USP34: variants seen among roughly 807,000 people sequenced by gnomAD.
USP34 encodes the protein ubiquitin specific peptidase 34, also known as ubiquitin carboxyl-terminal hydrolase 34.
USP34 carries 70 observed loss-of-function variants against 460.3 expected under a neutral mutation model. The observed-to-expected ratio is 0.15, with a 90% CI of 0.13 to 0.19. The LOEUF is 0.19. Ranked by LOEUF, USP34 falls within the 10% of genes least tolerant of loss-of-function variation. USP34 has a pLI of 1.00. For missense variants in USP34, 3,985 were observed against 4,236.2 expected, an observed-to-expected ratio of 0.94 and a Z score of 1.65; for synonymous variants, 1,647 against 1,405.3, an observed-to-expected ratio of 1.17 and a Z score of -3.85.
chr2:61,422,788 T>C (rs977910933), intron 1 of USP34, among the ~76,000 whole-genome samples: 3 of 152,048 alleles, frequency 2.0e-5, no homozygotes, highest in Non-Finnish European at 4.4e-5. Flanking sequence ...CACTTGAGCT[T>C]AGGAGGTCAA....
At chr2:61,256,201 A>G (rs1360179267) in intron 48 of USP34, among the ~76,000 whole-genome samples, 183 bp downstream of exon 48, 1 of 152,206 alleles carries the variant, frequency 6.6e-6, no homozygotes, top group Admixed American at 6.5e-5. Flanking sequence ...AGCTCAGTAT[A>G]TGTCAAAATA....
chr2:61,310,676 C>T (rs1465763486), intron 27 of USP34, among the ~76,000 whole-genome samples: 2 of 150,110 alleles, frequency 1.3e-5, no homozygotes, highest in Non-Finnish European at 3.0e-5. Context: ...TACACATATA[C>T]ATATACATAT....
In USP34 at chr2:61,405,749, A is replaced by C; in HGVS notation, c.511T>G (p.Leu171Val). The C allele has an allele frequency of 6.3e-7, 1 of 1,595,458 alleles. No individual in the cohort carries two copies. Among genetic ancestry groups the C allele is most frequent in the Non-Finnish European group, 8.5e-7 (1 of 1,173,422 alleles). ...GTATTATGCTTGTAAGCAGTATATAAGGGAAACTGAATTTGAAAAATTTTT... is the reference window on the plus strand; with the variant it reads ...GTATTATGCTTGTAAGCAGTATATACGGGAAACTGAATTTGAAAAATTTTT... ...VAKIFQIQFP[L>V]YTAYKHNTHP... is the part of the protein sequence containing the mutation. Residue 171 changes from leucine (L) to valine (V), a missense_variant, in exon 3 of 80, where the codon TTA becomes GTA. By Grantham distance (32) the Leu-to-Val change is conservative. This residue lies in a region of USP34 where 331 missense variants were observed against 293.7 expected (regional missense o/e 1.13). Coordinates refer to ENST00000398571, the MANE Select transcript of USP34 (RefSeq NM_014709.4).
chr2:61,425,628 T>C (rs1437328795), intron 1 of USP34, among the ~76,000 whole-genome samples: 1 of 152,138 alleles, frequency 6.6e-6, no homozygotes, highest in Non-Finnish European at 1.5e-5. Flanking sequence ...AGCCTCACCA[T>C]GGAGGGCTAC....
At position 61,348,297 on chromosome 2, in the gene USP34, G is replaced by T; in HGVS notation, c.1858C>A (p.Leu620Ile). The T allele has an allele frequency of 6.2e-7, 1 of 1,614,104 alleles. No homozygotes were observed. Among genetic ancestry groups the T allele is most frequent in the Non-Finnish European group, 8.5e-7 (1 of 1,180,024 alleles). ...TCATCGTCTTCATCTTCCTCTTTGA[G>T]GGCTTCAATATCTGCAATGTCTTCT... is the stretch of plus-strand genomic sequence containing the variant. ...QSEDIADIEALKEEDEDDDHG... is the reference protein window; with the variant it reads ...QSEDIADIEAIKEEDEDDDHG... Residue 620 changes from leucine to isoleucine, a missense_variant, in exon 15 of 80, where the codon CTC (leucine) becomes ATC (isoleucine). This residue lies in a region of USP34 where 716 missense variants were observed against 626.2 expected (regional missense o/e 1.14). Coordinates refer to ENST00000398571, the MANE Select transcript of USP34 (RefSeq NM_014709.4).
intron 70 of USP34, chr2:61,208,260 TC>T (rs1340647691): frequency 1.3e-5 from 2 of 152,216 alleles, no homozygotes; most frequent in East Asian, 3.8e-4. Context: ...AACGCAACCA[TC>T]TGTCTCTCAC....
chr2:61,342,648 T>C (rs1691642059), intron 16 of USP34, among the ~76,000 whole-genome samples: 1 of 151,912 alleles, frequency 6.6e-6, no homozygotes, highest in Non-Finnish European at 1.5e-5. Flanking sequence ...TTTTATGTAG[T>C]ATCTGATCAA....
intron 32 of USP34, among the ~76,000 whole-genome samples, chr2:61,294,447 T>C (rs1376251110): frequency 6.6e-6 from 1 of 151,926 alleles, no homozygotes; most frequent in African/African-American, 2.4e-5. Flanking sequence ...TCACAGTATC[T>C]TTTTTTTGCT....
At chr2:61,414,216 C>G (rs1019445300) in intron 2 of USP34, among the ~76,000 whole-genome samples, 1 of 151,832 alleles carries the variant, frequency 6.6e-6, no homozygotes, top group Non-Finnish European at 1.5e-5. Flanking sequence ...CCACTGCACT[C>G]CAGCCTGGGC....
At chr2:61,238,757 G>A (rs1688145148) in intron 53 of USP34, among the ~76,000 whole-genome samples, 2 of 152,120 alleles carry the variant, frequency 1.3e-5, no homozygotes, top group Admixed American at 1.3e-4. Context: ...GGTCTGCAAT[G>A]AGGAATTTTC....
chr2:61,211,625 A>G (rs951378604), intron 69 of USP34, 147 bp downstream of exon 69: 5 of 878,986 alleles, frequency 5.7e-6, no homozygotes, highest in Non-Finnish European at 8.0e-6. Flanking sequence ...AAAACTGTTT[A>G]AAAGTAGTTC....
At chr2:61,370,244 T>C (rs898468760) in intron 10 of USP34, 77 bp downstream of exon 10, 47 of 1,458,926 alleles carry the variant, frequency 3.2e-5, no homozygotes, top group African/African-American at 2.8e-4. Flanking sequence ...AACAGGATAA[T>C]AGAATTTACC....
intron 19 of USP34, among the ~76,000 whole-genome samples, chr2:61,333,041 C>G (rs1457248004): frequency 6.6e-6 from 1 of 151,948 alleles, no homozygotes; most frequent in Non-Finnish European, 1.5e-5. Flanking sequence ...TTCAACAAGT[C>G]GAATTTTCCC....
At chr2:61,217,923 C>T (rs1687449174) in intron 67 of USP34, among the ~76,000 whole-genome samples, 1 of 152,044 alleles carries the variant, frequency 6.6e-6, no homozygotes, top group African/African-American at 2.4e-5. Context: ...CCACTACACT[C>T]CAGCCTGGGC....
Position 61,348,523 on chromosome 2 carries a change from G to A in USP34, c.1675-43C>T, listed in dbSNP as rs1278705371. On this transcript the variant is annotated intron_variant, in intron 14 of 79. Coordinates refer to ENST00000398571, the MANE Select transcript of USP34 (RefSeq NM_014709.4). ...TAGATTTAAATAAATATTTAAACCA[G>A]TAAGAAAAAAGGTAACCAACATTAA... 43 of 1,564,768 alleles carry A rather than the reference G, an allele frequency of 2.7e-5. No homozygotes were observed. The Admixed American group carries it at 3.0e-4, about 11-fold the overall frequency.
At chr2:61,460,936 C>A (rs1188136775) in intron 1 of USP34, among the ~76,000 whole-genome samples, 2 of 146,918 alleles carry the variant, frequency 1.4e-5, no homozygotes, top group East Asian at 2.0e-4. Context: ...AAGCCAAGAT[C>A]GCGCCACTGC....
rs1339731577 is a variant in USP34, at chr2:61,228,987, T to A, written c.7208A>T (p.Asp2403Val). Residue 2403 changes from aspartate (D) to valine (V), a missense_variant, in exon 60 of 80, where the codon GAT becomes GTT. Asp to Val is a radical substitution (Grantham distance 152). This residue lies in a region of USP34 where 604 missense variants were observed against 684.8 expected (regional missense o/e 0.88). Coordinates refer to ENST00000398571, the MANE Select transcript of USP34 (RefSeq NM_014709.4). ...LQPGMEDGSD[D>V]MDTSVEDIGG... ...AATATCTTCTACTGAGGTATCCATA[T>A]CATCTGACCTAAGAGACAATTAAAT... The A allele has an allele frequency of 1.3e-6, 2 of 1,578,548 alleles. No individual in the cohort carries two copies. The highest frequency in any genetic ancestry group is 2.3e-5 in the South Asian group (2 of 85,716).
chr2:61,206,534 T>C (rs1408417124), intron 71 of USP34, among the ~76,000 whole-genome samples: 1 of 152,236 alleles, frequency 6.6e-6, no homozygotes, highest in Non-Finnish European at 1.5e-5. Context: ...TCTGAAATCT[T>C]GATACCTGCT....
At chr2:61,250,868 G>T (rs185114262) in intron 48 of USP34, among the ~76,000 whole-genome samples, 1 of 152,220 alleles carries the variant, frequency 6.6e-6, no homozygotes, top group Non-Finnish European at 1.5e-5. Flanking sequence ...GCTGGGTGCG[G>T]TGGCTCACGC....
Sources: gnomAD v4.1 joint callset for allele counts (sites outside exome capture counted in the v4.1 genomes callset) on GRCh38, gnomAD v4.1.1 for gene constraint, gnomAD v4.1.1 regional missense constraint, MANE v1.5 for transcripts, NCBI Gene and HGNC (gene_info 2026-07-23, HGNC 2026-07-21) for gene names.